The following KLHL29 variants were observed in gnomAD, a reference collection of about 807,000 sequenced individuals.
The protein encoded by KLHL29 is kelch-like protein 29.
KLHL29 carries 21 observed loss-of-function variants against 80.4 expected under a neutral mutation model. That is an observed-to-expected ratio of 0.26 (90% confidence interval 0.19 to 0.38). The LOEUF (loss-of-function observed/expected upper bound fraction) is 0.38. KLHL29 is among the 10% of genes least tolerant of loss of function. The probability of loss-of-function intolerance (pLI) is 1.00; values close to 1 mark genes in which losing one functional copy is unlikely to be tolerated. For synonymous variants in KLHL29, 511 were observed against 526.8 expected, an observed-to-expected ratio of 0.97 and a Z score of 0.41; for missense variants, 867 against 1,223.9, an observed-to-expected ratio of 0.71 and a Z score of 4.35.
At chr2:23,663,397 G>A (rs1670469220) in intron 5 of KLHL29, among the ~76,000 whole-genome samples, 2 of 152,352 alleles carry the variant, frequency 1.3e-5, no homozygotes, top group Admixed American at 1.3e-4. Flanking sequence ...GAAGGAGGTG[G>A]TGACGCGTCC....
At chr2:23,398,932 A>T (rs1158550163) in intron 1 of KLHL29, among the ~76,000 whole-genome samples, 1 of 152,208 alleles carries the variant, frequency 6.6e-6, no homozygotes, top group African/African-American at 2.4e-5. Flanking sequence ...CAAATGCTGG[A>T]CCCAACATGA....
At chr2:23,449,253 A>T (rs1663797576) in intron 1 of KLHL29, among the ~76,000 whole-genome samples, 2 of 152,168 alleles carry the variant, frequency 1.3e-5, no homozygotes, top group South Asian at 2.1e-4. Flanking sequence ...AGGACTCTTG[A>T]GCTGGCTCTG....
chr2:23,584,274 A>T (rs1668062139), intron 3 of KLHL29, among the ~76,000 whole-genome samples: 2 of 152,180 alleles, frequency 1.3e-5, no homozygotes, highest in South Asian at 4.1e-4. Flanking sequence ...CAGAGCCCAT[A>T]CCGGGGCAGG....
chr2:23,591,096 C>G (rs532164647), intron 3 of KLHL29, among the ~76,000 whole-genome samples: 80 of 152,232 alleles, frequency 5.3e-4, no homozygotes, highest in African/African-American at 1.8e-3. Flanking sequence ...GGGAGCGCTG[C>G]GACTTTAAAC....
intron 2 of KLHL29, among the ~76,000 whole-genome samples, chr2:23,504,306 G>A (rs1039580527): frequency 6.6e-6 from 1 of 152,228 alleles, no homozygotes; most frequent in Non-Finnish European, 1.5e-5. Context: ...TTCAAGCAGA[G>A]GGTGAGAGCT....
intron 2 of KLHL29, among the ~76,000 whole-genome samples, chr2:23,525,981 C>G (rs1666302915): frequency 6.6e-6 from 1 of 152,210 alleles, no homozygotes; most frequent in South Asian, 2.1e-4. Context: ...AGTCACGTCC[C>G]TGACATCCGT....
chr2:23,650,400 T>G (rs890663734), intron 5 of KLHL29, among the ~76,000 whole-genome samples: 10 of 152,190 alleles, frequency 6.6e-5, no homozygotes, highest in African/African-American at 2.4e-4. Context: ...CCTGTCCTGA[T>G]TTGAGATAGG....
At chr2:23,683,180 T>G (rs1028390468) in intron 5 of KLHL29, among the ~76,000 whole-genome samples, 8 of 152,212 alleles carry the variant, frequency 5.3e-5, no homozygotes. Context: ...CTGGCCCATG[T>G]GGACAGCAAC....
At chr2:23,430,800 G>A (rs960182080) in intron 1 of KLHL29, among the ~76,000 whole-genome samples, 7 of 152,182 alleles carry the variant, frequency 4.6e-5, no homozygotes, top group African/African-American at 1.7e-4. Context: ...AGCGGCCCTT[G>A]GGTAGCATTT....
At chr2:23,629,501 A>G (rs1185231711) in intron 3 of KLHL29, among the ~76,000 whole-genome samples, 1 of 152,112 alleles carries the variant, frequency 6.6e-6, no homozygotes, top group East Asian at 1.9e-4. Flanking sequence ...AGGAAAGTTG[A>G]AAGCTTTGAG....
At chr2:23,397,298 C>T (rs1330923131) in intron 1 of KLHL29, among the ~76,000 whole-genome samples, 2 of 152,246 alleles carry the variant, frequency 1.3e-5, no homozygotes, top group African/African-American at 4.8e-5. Flanking sequence ...GGCTCTCCCT[C>T]ACATCACTGA....
rs538534447 is a variant in KLHL29 at position 23,562,186 on chromosome 2, G to C, written c.-11G>C. 6.5e-7 allele frequency: 1 copy of C among 1,542,414 alleles called. No individual in the cohort carries two copies. Among genetic ancestry groups the C allele is most frequent in the Non-Finnish European group, 8.7e-7 (1 of 1,144,134 alleles). ...CTGTTTCCCTGTGAGAAGCCGCCTCGGCCCACCGAGATGTCCCGGCACCAT... is the reference window on the plus strand; with the variant it reads ...CTGTTTCCCTGTGAGAAGCCGCCTCCGCCCACCGAGATGTCCCGGCACCAT... On this transcript the variant is annotated 5_prime_UTR_variant, in exon 3 of 14. Transcript: ENST00000486442. The surrounding 1 kb of genome is among the most constrained non-coding windows in gnomAD (Gnocchi z 4.5).
chr2:23,487,834 G>C (rs1490215987), intron 2 of KLHL29, among the ~76,000 whole-genome samples: 1 of 152,166 alleles, frequency 6.6e-6, no homozygotes, highest in Non-Finnish European at 1.5e-5. Flanking sequence ...GAACAGGGTG[G>C]AGTTTCTAGA....
intron 1 of KLHL29, among the ~76,000 whole-genome samples, chr2:23,403,779 C>T (rs898203102): frequency 2.2e-5 from 3 of 139,140 alleles, no homozygotes; most frequent in Non-Finnish European, 4.7e-5. Flanking sequence ...GCGCAAAAGA[C>T]AGGGAAGAAT....
intron 1 of KLHL29, among the ~76,000 whole-genome samples, chr2:23,416,744 G>T (rs991118734): frequency 6.6e-6 from 1 of 152,150 alleles, no homozygotes; most frequent in Non-Finnish European, 1.5e-5. Flanking sequence ...GGCCTTCCTG[G>T]CCACGTTCCC....
At chr2:23,508,313 C>CT (rs1665665677) in intron 2 of KLHL29, among the ~76,000 whole-genome samples, 1 of 152,268 alleles carries the variant, frequency 6.6e-6, no homozygotes, top group Non-Finnish European at 1.5e-5. Context: ...GCTGGGAACA[C>CT]TCACAGGTTG....
chr2:23,464,288 C>A (rs1664291451), intron 1 of KLHL29, among the ~76,000 whole-genome samples: 1 of 152,072 alleles, frequency 6.6e-6, no homozygotes, highest in Non-Finnish European at 1.5e-5. Context: ...AGCCCGGAGC[C>A]CCCGGAGCCC....
At chr2:23,403,803 AT>A (rs1441857765) in intron 1 of KLHL29, among the ~76,000 whole-genome samples, 1 of 149,214 alleles carries the variant, frequency 6.7e-6, no homozygotes, top group Non-Finnish European at 1.5e-5. Flanking sequence ...CTCAGTGTTT[AT>A]TTTTGCCATG....
intron 3 of KLHL29, among the ~76,000 whole-genome samples, chr2:23,564,654 C>A (rs1325287724): frequency 6.6e-6 from 1 of 152,236 alleles, no homozygotes; most frequent in East Asian, 1.9e-4. Flanking sequence ...GAGGCCTGTC[C>A]CCTAGCCTAT....
Sources: allele counts gnomAD v4.1 joint callset (sites outside exome capture counted in the v4.1 genomes callset), GRCh38; gene constraint gnomAD v4.1.1; non-coding constraint Gnocchi (gnomAD v3.1); transcripts MANE v1.5; gene names NCBI Gene and HGNC (gene_info 2026-07-23, HGNC 2026-07-21).